The following TIMM23 variants were observed in gnomAD, a reference collection of about 807,000 sequenced individuals.
TIMM23 encodes translocase of inner mitochondrial membrane 23, also known as mitochondrial import inner membrane translocase subunit Tim23.
TIMM23 carries 19 observed loss-of-function variants against 30.7 expected under a neutral mutation model. The ratio of observed to expected loss-of-function variants is 0.62; its 90% confidence interval spans 0.43 to 0.91. TIMM23 has a LOEUF of 0.91. TIMM23 is among the 40% of genes least tolerant of loss of function. TIMM23 has a pLI of 0.00. For missense variants in TIMM23, 202 were observed against 269.2 expected, an observed-to-expected ratio of 0.75 and a Z score of 1.75; for synonymous variants, 78 against 98.5, an observed-to-expected ratio of 0.79 and a Z score of 1.23.
At chr10:45,996,753 A>G (rs377365905) in intron 6 of TIMM23, among the ~76,000 whole-genome samples, 45 of 152,198 alleles carry the variant, frequency 3.0e-4, no homozygotes, top group East Asian at 1.2e-3. Context: ...TGGGAAGCCA[A>G]TGTGGGCAGA....
At chr10:45,977,907 T>C (rs1342233105) in intron 2 of TIMM23, among the ~76,000 whole-genome samples, 1 of 151,940 alleles carries the variant, frequency 6.6e-6, no homozygotes, top group Non-Finnish European at 1.5e-5. Context: ...GCTGGGCGCC[T>C]GTAATCCCAG....
At chr10:45,983,374 G>T (rs587627566) in intron 4 of TIMM23, among the ~76,000 whole-genome samples, 3 of 152,150 alleles carry the variant, frequency 2.0e-5, no homozygotes, top group Non-Finnish European at 4.4e-5. Flanking sequence ...TTATGTTTCC[G>T]AAATGATGAG....
chr10:45,988,943 T>C (rs1206254204), intron 6 of TIMM23, 96 bp downstream of exon 6: 3 of 828,548 alleles, frequency 3.6e-6, no homozygotes, highest in Non-Finnish European at 4.0e-6. Context: ...TGTTGCAGTA[T>C]AATCTAGTGT....
chr10:45,985,292 C>G (rs1210429601), intron 4 of TIMM23, 91 bp from the exon 5 acceptor site: 27 of 1,513,470 alleles, frequency 1.8e-5, no homozygotes, highest in Middle Eastern at 1.7e-4. Flanking sequence ...CGCCCTGGGT[C>G]TAGACATGTT....
At chr10:45,980,834 G>C (rs1837819289) in intron 2 of TIMM23, among the ~76,000 whole-genome samples, 1 of 150,074 alleles carries the variant, frequency 6.7e-6, no homozygotes, top group Non-Finnish European at 1.5e-5. Flanking sequence ...TGCAACCCTT[G>C]TTATATTTTT....
chr10:45,995,004 T>C (rs1369515407), intron 6 of TIMM23, among the ~76,000 whole-genome samples: 2 of 151,952 alleles, frequency 1.3e-5, no homozygotes, highest in Non-Finnish European at 1.5e-5. Context: ...TTTGTTAGAG[T>C]GATTTCAGTG....
At chr10:45,974,755 A>T (rs1837614490) in intron 1 of TIMM23, among the ~76,000 whole-genome samples, 1 of 152,252 alleles carries the variant, frequency 6.6e-6, no homozygotes, top group Non-Finnish European at 1.5e-5. Context: ...TATTAAAAAT[A>T]GAACAAGCAG....
At chr10:45,985,756 G>C (rs1283465128) in intron 5 of TIMM23, among the ~76,000 whole-genome samples, 1 of 152,222 alleles carries the variant, frequency 6.6e-6, no homozygotes, top group Non-Finnish European at 1.5e-5. Flanking sequence ...CCAAAGTAAA[G>C]AGCTTTGTAT....
chr10:46,001,834 G>A (rs1330010206), intron 6 of TIMM23, among the ~76,000 whole-genome samples: 3 of 152,126 alleles, frequency 2.0e-5, no homozygotes, highest in Non-Finnish European at 4.4e-5. Flanking sequence ...GCCACATTAC[G>A]TTTGTAAGAC....
intron 6 of TIMM23, 62 bp from the exon 7 acceptor site, chr10:46,003,141 A>G (rs1011989151): frequency 2.0e-5 from 27 of 1,330,884 alleles, no homozygotes; most frequent in Admixed American, 8.6e-5. Context: ...ATTTAACCCT[A>G]TCGTGCTAGG....
At chr10:45,986,928 C>G (rs1452100458) in intron 5 of TIMM23, among the ~76,000 whole-genome samples, 1 of 151,558 alleles carries the variant, frequency 6.6e-6, no homozygotes, top group Admixed American at 6.6e-5. Flanking sequence ...CTAGAAATAG[C>G]TACTATTGAT....
chr10:45,976,680 A>G (rs1270633309), intron 2 of TIMM23, among the ~76,000 whole-genome samples: 40 of 152,070 alleles, frequency 2.6e-4, no homozygotes, highest in Non-Finnish European at 5.9e-5. Flanking sequence ...GAATATCCAA[A>G]GCTAACATAA....
intron 2 of TIMM23, among the ~76,000 whole-genome samples, chr10:45,981,823 TTTTG>T (rs1463830487): frequency 3.9e-5 from 6 of 152,114 alleles, no homozygotes; most frequent in South Asian, 2.1e-4. Flanking sequence ...GGTGATAAAA[TTTTG>T]TTTGTTTTTT....
intron 4 of TIMM23, 80 bp downstream of exon 4, chr10:45,983,010 A>C (rs1837890427): frequency 1.3e-6 from 2 of 1,574,478 alleles, no homozygotes; most frequent in African/African-American, 2.7e-5. Context: ...TACAACCTTG[A>C]GATTACAGAT....
chr10:46,001,710 G>A (rs1335723092), intron 6 of TIMM23, among the ~76,000 whole-genome samples: 1 of 152,110 alleles, frequency 6.6e-6, no homozygotes, highest in Non-Finnish European at 1.5e-5. Context: ...TACAAAGATG[G>A]CTACCTGAAG....
chr10:46,001,287 C>T (rs1427743374), intron 6 of TIMM23, among the ~76,000 whole-genome samples: 4 of 152,188 alleles, frequency 2.6e-5, no homozygotes, highest in East Asian at 1.9e-4. Flanking sequence ...ATGTGAACTT[C>T]AAGGAGATAC....
intron 2 of TIMM23, 50 bp downstream of exon 2, chr10:45,975,562 A>G: frequency 6.2e-7 from 1 of 1,611,728 alleles, no homozygotes; most frequent in Non-Finnish European, 8.5e-7. Flanking sequence ...CATTTTAAAA[A>G]AAACGCCAAG....
chr10:45,982,468 A>G, intron 2 of TIMM23, 55 bp from the exon 3 acceptor site: 27 of 1,576,400 alleles, frequency 1.7e-5, no homozygotes, highest in Non-Finnish European at 2.4e-5. Context: ...AGGCAACTTT[A>G]CAAGATTTGT....
intron 6 of TIMM23, among the ~76,000 whole-genome samples, chr10:46,001,300 CAT>C (rs1253611103): frequency 6.6e-6 from 1 of 152,170 alleles, no homozygotes; most frequent in Non-Finnish European, 1.5e-5. Context: ...GGAGATACCT[CAT>C]GTTATACTTT....
Sources: allele counts gnomAD v4.1 joint callset (sites outside exome capture counted in the v4.1 genomes callset), GRCh38; gene constraint gnomAD v4.1.1; transcripts MANE v1.5; gene names NCBI Gene and HGNC (gene_info 2026-07-23, HGNC 2026-07-21).